Variants in MAGI1 observed in about 807,000 individuals in gnomAD.
MAGI1 encodes membrane-associated guanylate kinase, WW and PDZ domain-containing protein 1.
MAGI1 carries 58 observed loss-of-function variants against 139.9 expected under a neutral mutation model. The observed-to-expected ratio is 0.41, with a 90% CI of 0.34 to 0.52. The LOEUF (loss-of-function observed/expected upper bound fraction) is 0.52. Among genes scored for constraint, MAGI1 ranks in the 20% least tolerant of loss-of-function variants. The pLI is 0.12. For synonymous variants in MAGI1, 812 were observed against 737.9 expected (o/e 1.10, Z -1.63); for missense variants, 1,874 against 1,901.6 (o/e 0.99, Z 0.27).
At chr3:65,721,136 G>A (rs2032966098) in intron 1 of MAGI1, among the ~76,000 whole-genome samples, 1 of 152,122 alleles carries the variant, frequency 6.6e-6, no homozygotes, top group Non-Finnish European at 1.5e-5. Context: ...CAGAGGTAGT[G>A]AGACCAACGC....
intron 1 of MAGI1, among the ~76,000 whole-genome samples, chr3:65,906,670 G>A (rs998387871): frequency 6.6e-6 from 1 of 152,132 alleles, no homozygotes; most frequent in African/African-American, 2.4e-5. Flanking sequence ...CAGATCATTT[G>A]AGGTCAGGAG....
intron 1 of MAGI1, among the ~76,000 whole-genome samples, chr3:66,015,101 G>A (rs958752617): frequency 2.0e-5 from 3 of 150,462 alleles, no homozygotes; most frequent in Non-Finnish European, 4.4e-5. Flanking sequence ...CCAGCACCTT[G>A]GGAGGCTGAG....
chr3:65,555,823 C>T (rs2080058941), intron 2 of MAGI1, among the ~76,000 whole-genome samples: 1 of 152,182 alleles, frequency 6.6e-6, no homozygotes, highest in Non-Finnish European at 1.5e-5. Context: ...TGCCACTGCA[C>T]ACCAGCCTGA....
intron 2 of MAGI1, among the ~76,000 whole-genome samples, chr3:65,614,226 G>T (rs561459985): frequency 1.3e-5 from 2 of 152,312 alleles, no homozygotes; most frequent in South Asian, 4.1e-4. Flanking sequence ...TGCTGAATGG[G>T]CCCTGAAAGG....
chr3:65,397,938 G>A (rs575026309), intron 13 of MAGI1, among the ~76,000 whole-genome samples: 5 of 151,898 alleles, frequency 3.3e-5, no homozygotes, highest in African/African-American at 4.8e-5. Flanking sequence ...TTGGCACTGG[G>A]TCTGGCACAC....
At chr3:65,898,117 CAG>C (rs2061059746) in intron 1 of MAGI1, among the ~76,000 whole-genome samples, 2 of 152,170 alleles carry the variant, frequency 1.3e-5, no homozygotes, top group South Asian at 2.1e-4. Flanking sequence ...GACCACCAGC[CAG>C]AGAGTTTGAT....
chr3:65,523,320 A>G (rs2078243414), intron 2 of MAGI1, among the ~76,000 whole-genome samples: 1 of 152,118 alleles, frequency 6.6e-6, no homozygotes, highest in South Asian at 2.1e-4. Context: ...CACAACTGTG[A>G]AAGTTCAACA....
At position 65,441,122 on chromosome 3, in the gene MAGI1, G is replaced by A. The variant is rs184749099; in HGVS notation, c.1137-1110C>T. On this transcript the variant is annotated intron_variant, in intron 8 of 22. Transcript: ENST00000402939. Reference sequence around the variant, plus strand: ...ATTTCAAGCGTGCATCACCATACCCGGCTAATTTTTGTATTTTCAGTAGAA... The same window carrying A: ...ATTTCAAGCGTGCATCACCATACCCAGCTAATTTTTGTATTTTCAGTAGAA... 1.8e-4 allele frequency among the ~76,000 whole-genome samples: 28 copies of A among 151,808 alleles called. 1 individual carries two copies. Among genetic ancestry groups the A allele is most frequent in the Non-Finnish European group, 2.5e-4 (17 of 67,952 alleles).
intron 1 of MAGI1, among the ~76,000 whole-genome samples, chr3:65,661,745 GT>G (rs11369893): frequency 0.16 from 15,250 of 93,028 alleles, 289 homozygotes; most frequent in Non-Finnish European, 0.22. Flanking sequence ...GTTTTTTTCT[GT>G]TTTTTTTTTT....
chr3:65,627,929 T>C (rs2084073583), intron 1 of MAGI1, among the ~76,000 whole-genome samples: 1 of 152,194 alleles, frequency 6.6e-6, no homozygotes, highest in South Asian at 2.1e-4. Flanking sequence ...GATGTAGTTT[T>C]TCTTATTTTA....
At chr3:65,575,668 C>A (rs895472077) in intron 2 of MAGI1, among the ~76,000 whole-genome samples, 1 of 152,068 alleles carries the variant, frequency 6.6e-6, no homozygotes, top group African/African-American at 2.4e-5. Flanking sequence ...ACATCCATAC[C>A]ATGAGATACT....
At chr3:65,378,988 C>G (rs1397787805) in intron 17 of MAGI1, among the ~76,000 whole-genome samples, 3 of 152,128 alleles carry the variant, frequency 2.0e-5, no homozygotes, top group African/African-American at 7.2e-5. Flanking sequence ...GGCTGCTATT[C>G]AAATTTCACG....
At chr3:65,603,142 A>G (rs2082559735) in intron 2 of MAGI1, among the ~76,000 whole-genome samples, 1 of 152,088 alleles carries the variant, frequency 6.6e-6, no homozygotes, top group Non-Finnish European at 1.5e-5. Flanking sequence ...AAAAATACGT[A>G]CCAGGCCAGG....
At chr3:65,861,694 A>G (rs1431220414) in intron 1 of MAGI1, among the ~76,000 whole-genome samples, 1 of 152,096 alleles carries the variant, frequency 6.6e-6, no homozygotes, top group Non-Finnish European at 1.5e-5. Flanking sequence ...GGTGAGTGGG[A>G]GCTTGCAGAG....
At chr3:65,546,916 G>T (rs1239237800) in intron 2 of MAGI1, among the ~76,000 whole-genome samples, 1 of 152,128 alleles carries the variant, frequency 6.6e-6, no homozygotes, top group Non-Finnish European at 1.5e-5. Flanking sequence ...GACCTTCTGG[G>T]CACTGTGTAT....
chr3:65,923,029 T>A (rs924565722), intron 1 of MAGI1, among the ~76,000 whole-genome samples: 2 of 152,150 alleles, frequency 1.3e-5, no homozygotes, highest in African/African-American at 2.4e-5. Context: ...TAGCTTCCCT[T>A]AGGGCTTAGA....
At position 65,548,511 on chromosome 3, in the gene MAGI1, C is replaced by CTTTTTTT. The variant is rs1170215972; in HGVS notation, c.431-54887_431-54881dup. ...AGCCCAGCTTTATGCAAACAACACT[C>CTTTTTTT]TTTTTTTTTTTTTTTTTTTTTTTTT... On this transcript the variant is annotated intron_variant, in intron 2 of 22. Coordinates refer to ENST00000402939, the MANE Select transcript of MAGI1 (RefSeq NM_001033057.2). Among the ~76,000 whole-genome samples the CTTTTTTT allele has an allele frequency of 6.8e-4, 59 of 87,384 alleles. 3 individuals are homozygous for CTTTTTTT. The highest frequency in any genetic ancestry group is 1.9e-3 in the East Asian group (5 of 2,646). 57.3% of individuals were successfully genotyped at this position (87,384 alleles called of 152,430 possible). A position where few individuals can be genotyped will look rare whatever the true frequency, so the allele number is the denominator to read the frequency against.
intron 1 of MAGI1, among the ~76,000 whole-genome samples, chr3:65,823,024 A>AT (rs1208248726): frequency 6.6e-6 from 1 of 152,204 alleles, no homozygotes; most frequent in African/African-American, 2.4e-5. Context: ...GAGAAAAAAT[A>AT]TTTTGCAACA....
chr3:65,882,652 A>G (rs2060377209), intron 1 of MAGI1, among the ~76,000 whole-genome samples: 1 of 152,134 alleles, frequency 6.6e-6, no homozygotes, highest in Admixed American at 6.6e-5. Flanking sequence ...GCACAAGTTG[A>G]CCAGGCACAG....
Sources: allele counts gnomAD v4.1 joint callset (sites outside exome capture counted in the v4.1 genomes callset), GRCh38; gene constraint gnomAD v4.1.1; transcripts MANE v1.5; gene names NCBI Gene and HGNC (gene_info 2026-07-23, HGNC 2026-07-21).